Variants in COXFA4L2 observed in about 807,000 individuals in gnomAD.
COXFA4L2 encodes the protein cytochrome c oxidase hypoxia associated subunit FA4L2.
chr12:57,240,165 A>T, the COXFA4L2 span: 1 of 152,342 alleles, frequency 6.6e-6, no homozygotes, highest in East Asian at 1.9e-4. Context: ...CGAGGCACCG[A>T]GATGATCATG....
At chr12:57,235,529 T>C in the COXFA4L2 span, 2 of 1,609,642 alleles carry the variant, frequency 1.2e-6, no homozygotes, top group East Asian at 2.2e-5. Context: ...GCTGGCTGGC[T>C]GTGGCTTGCA....
the COXFA4L2 span, among the ~76,000 whole-genome samples, chr12:57,238,318 C>G: frequency 6.6e-6 from 1 of 152,118 alleles, no homozygotes; most frequent in African/African-American, 2.4e-5. This position sits in a 1 kb window ranked among gnomAD's most constrained non-coding sequence, Gnocchi z 6.8. Flanking sequence ...TGCGGGGTCC[C>G]GGGCTCTCCG....
At chr12:57,237,339 G>T in the COXFA4L2 span, 1 of 1,408,692 alleles carries the variant, frequency 7.1e-7, no homozygotes, top group Non-Finnish European at 9.2e-7. Context: ...TCTGCACCTG[G>T]ACCAAGGGAC....
the COXFA4L2 span, chr12:57,235,521 T>A: frequency 6.2e-7 from 1 of 1,602,480 alleles, no homozygotes; most frequent in South Asian, 1.1e-5. Flanking sequence ...GTGGATGGGC[T>A]GGCTGGCTGT....
the COXFA4L2 span, chr12:57,240,169 GATC>G: frequency 6.6e-6 from 1 of 152,310 alleles, no homozygotes; most frequent in Non-Finnish European, 1.5e-5. Context: ...GCACCGAGAT[GATC>G]ATGATTGCAT....
At chr12:57,237,059 G>T in the COXFA4L2 span, 3 of 1,614,102 alleles carry the variant, frequency 1.9e-6, no homozygotes, top group Admixed American at 1.7e-5. Context: ...GCCGGTAGAA[G>T]CGGGCCCCAA....
the COXFA4L2 span, chr12:57,240,007 T>A: frequency 6.6e-6 from 1 of 152,170 alleles, no homozygotes; most frequent in Non-Finnish European, 1.5e-5. Context: ...CACCTCCACA[T>A]GCCCGTCAAC....
At chr12:57,239,851 TTGTCTC>T in the COXFA4L2 span, 2 of 152,698 alleles carry the variant, frequency 1.3e-5, no homozygotes, top group Admixed American at 6.5e-5. This position sits in a 1 kb window ranked among gnomAD's most constrained non-coding sequence, Gnocchi z 5.5. Context: ...ATGCCTCTCT[TTGTCTC>T]TGTCTTTATC....
chr12:57,235,261 T>C, the COXFA4L2 span: 11 of 519,758 alleles, frequency 2.1e-5, no homozygotes, highest in African/African-American at 1.7e-4. Flanking sequence ...TGCCACACCC[T>C]TCGAGGCCCG....
the COXFA4L2 span, chr12:57,235,902 T>A: frequency 8.4e-7 from 1 of 1,192,964 alleles, no homozygotes; most frequent in Non-Finnish European, 1.1e-6. Context: ...CCGGAGGCTC[T>A]GGCCCCACCC....
the COXFA4L2 span, chr12:57,235,625 AGGAGAG>A: frequency 6.2e-7 from 1 of 1,614,138 alleles, no homozygotes; most frequent in Admixed American, 1.7e-5. Context: ...AGGAACTAAG[AGGAGAG>A]GGAAAGGGGG....
the COXFA4L2 span, among the ~76,000 whole-genome samples, chr12:57,239,191 C>T: frequency 6.6e-6 from 1 of 152,252 alleles, no homozygotes; most frequent in Non-Finnish European, 1.5e-5. This position sits in a 1 kb window ranked among gnomAD's most constrained non-coding sequence, Gnocchi z 5.5. Flanking sequence ...CTCAGCGGAT[C>T]GAGCGTGTTG....
the COXFA4L2 span, chr12:57,240,582 C>T: frequency 6.3e-6 from 5 of 793,926 alleles, no homozygotes; most frequent in African/African-American, 1.9e-5. Context: ...CACACACACT[C>T]GCGCGCGCAC....
chr12:57,237,022 G>A, the COXFA4L2 span: 5 of 1,614,076 alleles, frequency 3.1e-6, no homozygotes, highest in Non-Finnish European at 4.2e-6. Flanking sequence ...AGGTTCTGAG[G>A]ACTCACCCCC....
the COXFA4L2 span, chr12:57,235,447 TA>T: frequency 8.7e-7 from 1 of 1,145,740 alleles, no homozygotes; most frequent in Non-Finnish European, 1.3e-6. Flanking sequence ...CCGGCCTGTG[TA>T]AGCAGTAGCG....
the COXFA4L2 span, chr12:57,235,260 C>T: frequency 3.8e-6 from 2 of 520,522 alleles, no homozygotes; most frequent in South Asian, 2.3e-5. Context: ...GTGCCACACC[C>T]TTCGAGGCCC....
At chr12:57,239,220 G>T in the COXFA4L2 span, among the ~76,000 whole-genome samples, 1 of 152,242 alleles carries the variant, frequency 6.6e-6, no homozygotes, top group Non-Finnish European at 1.5e-5. The surrounding 1 kb of genome is among the most constrained non-coding windows in gnomAD (Gnocchi z 5.5). Context: ...GTGGGCTCGG[G>T]CGCCCCCTGG....
At chr12:57,239,394 G>A in the COXFA4L2 span, among the ~76,000 whole-genome samples, 1 of 152,238 alleles carries the variant, frequency 6.6e-6, no homozygotes, top group East Asian at 1.9e-4. This position sits in a 1 kb window ranked among gnomAD's most constrained non-coding sequence, Gnocchi z 5.5. Flanking sequence ...AGTGGGTCCT[G>A]CAGCCTCCAC....
At chr12:57,235,411 G>T in the COXFA4L2 span, 1 of 821,602 alleles carries the variant, frequency 1.2e-6, no homozygotes, top group Non-Finnish European at 2.0e-6. Flanking sequence ...AGTAGGGGTG[G>T]AGCAGCCTCC....
Sources: gnomAD v4.1 joint callset for allele counts (sites outside exome capture counted in the v4.1 genomes callset) on GRCh38, gnomAD v4.1.1 for gene constraint, Gnocchi (gnomAD v3.1) non-coding constraint, MANE v1.5 for transcripts, NCBI Gene and HGNC (gene_info 2026-07-23, HGNC 2026-07-21) for gene names.